The following CACNA1C variants were observed in gnomAD, a reference collection of about 807,000 sequenced individuals.
The protein encoded by CACNA1C is voltage-dependent L-type calcium channel subunit alpha-1C.
CACNA1C carries 30 observed loss-of-function variants against 229.0 expected under a neutral mutation model. The ratio of observed to expected loss-of-function variants is 0.13; its 90% CI spans 0.10 to 0.18. The LOEUF is 0.18. CACNA1C is among the 10% of genes least tolerant of loss of function. CACNA1C has a pLI of 1.00. For synonymous variants in CACNA1C, 1,114 were observed against 1,132.5 expected, an observed-to-expected ratio of 0.98 and a Z score of 0.33; for missense variants, 1,658 against 2,845.0, an observed-to-expected ratio of 0.58 and a Z score of 9.49.
intron 3 of CACNA1C, among the ~76,000 whole-genome samples, chr12:2,406,671 C>T (rs777210182): frequency 5.9e-5 from 9 of 152,214 alleles, no homozygotes; most frequent in Non-Finnish European, 1.0e-4. Flanking sequence ...TGCATTTCCA[C>T]GGTTTCAAGC....
At chr12:2,254,760 C>T (rs557847859) in intron 3 of CACNA1C, among the ~76,000 whole-genome samples, 2 of 152,178 alleles carry the variant, frequency 1.3e-5, no homozygotes, top group South Asian at 2.1e-4. Flanking sequence ...GAATGGGGGA[C>T]GATATATGTT....
chr12:2,678,106 G>A lies in CACNA1C; in HGVS notation c.5091+239G>A, dbSNP rs548543509. On this transcript the variant is annotated intron_variant, in intron 41 of 46. Coordinates refer to ENST00000399655, the MANE Select transcript of CACNA1C (RefSeq NM_000719.7). The surrounding 1 kb of genome is among the most constrained non-coding windows in gnomAD (Gnocchi z 4.1). Reference sequence around the variant, plus strand: ...CAGTGTCACTGGCTCTCAGAGAAGCGGGAAGGAACCGCCTTCCTAAGGGAA... The same window carrying A: ...CAGTGTCACTGGCTCTCAGAGAAGCAGGAAGGAACCGCCTTCCTAAGGGAA... Among the ~76,000 whole-genome samples, 9 of 152,158 alleles carry A rather than the reference G, an allele frequency of 5.9e-5. No individual in the cohort carries two copies. The highest frequency in any genetic ancestry group is 1.0e-4 in the Non-Finnish European group (7 of 68,018).
rs1209181027 is a variant in CACNA1C at position 2,181,004 on chromosome 12, ACAT to A, written c.477+60575_477+60577del. 2.6e-5 allele frequency among the ~76,000 whole-genome samples: 4 copies of A among 152,136 alleles called. No homozygotes were observed. Among genetic ancestry groups the A allele is most frequent in the African/African-American group, 9.7e-5 (4 of 41,430 alleles). On this transcript the variant is annotated intron_variant, in intron 3 of 46. Transcript: ENST00000399655. This position sits in a 1 kb window ranked among gnomAD's most constrained non-coding sequence, Gnocchi z 4.0. Reference sequence around the variant, plus strand: ...TAAAACACCTGGATTTGTTTCATGAACATAACCCTCAAATCTGCACTCCCCTAT... The same window carrying A: ...TAAAACACCTGGATTTGTTTCATGAAAACCCTCAAATCTGCACTCCCCTAT...
At chr12:2,125,315 A>G (rs1420770157) in intron 3 of CACNA1C, among the ~76,000 whole-genome samples, 1 of 152,124 alleles carries the variant, frequency 6.6e-6, no homozygotes, top group East Asian at 1.9e-4. Flanking sequence ...AAGTACGAGA[A>G]GAGGATATTG....
intron 3 of CACNA1C, among the ~76,000 whole-genome samples, chr12:2,211,144 C>G (rs1020179415): frequency 3.3e-5 from 5 of 152,160 alleles, no homozygotes; most frequent in Non-Finnish European, 7.3e-5. Context: ...CATGAAGGTC[C>G]CTTCAGCGTC....
intron 3 of CACNA1C, among the ~76,000 whole-genome samples, chr12:2,338,170 G>C (rs575495230): frequency 6.6e-6 from 1 of 152,262 alleles, no homozygotes; most frequent in African/African-American, 2.4e-5. Flanking sequence ...CTGGCTACAT[G>C]GGGGGAGGAG....
At chr12:2,385,499 A>G (rs1322670396) in intron 3 of CACNA1C, among the ~76,000 whole-genome samples, 1 of 152,178 alleles carries the variant, frequency 6.6e-6, no homozygotes, top group Non-Finnish European at 1.5e-5. Context: ...AAGGGCAGCT[A>G]GGACCCGCTG....
At chr12:2,239,835 G>T (rs2069120699) in intron 3 of CACNA1C, among the ~76,000 whole-genome samples, 1 of 152,254 alleles carries the variant, frequency 6.6e-6, no homozygotes, top group Admixed American at 6.5e-5. Flanking sequence ...GGGCGGTGAA[G>T]GCTGAGGATG....
chr12:2,499,949 A>G (rs1456697848), intron 7 of CACNA1C, among the ~76,000 whole-genome samples: 1 of 152,090 alleles, frequency 6.6e-6, no homozygotes, highest in African/African-American at 2.4e-5. Context: ...TGTCCCCCCA[A>G]AGTAGGTGGA....
chr12:1,973,768 C>T (rs748404118), intron 1 of CACNA1C, among the ~76,000 whole-genome samples: 32 of 152,086 alleles, frequency 2.1e-4, no homozygotes, highest in Non-Finnish European at 4.7e-4. Flanking sequence ...TAGTTTACAA[C>T]AAATATAAAT....
chr12:2,511,534 C>A (rs1014237913), intron 8 of CACNA1C, among the ~76,000 whole-genome samples: 1 of 152,072 alleles, frequency 6.6e-6, no homozygotes, highest in African/African-American at 2.4e-5. Context: ...AGGAAGACAT[C>A]ATGGCTCCAA....
intron 34 of CACNA1C, among the ~76,000 whole-genome samples, chr12:2,661,981 G>C (rs561869826): frequency 6.6e-6 from 1 of 152,184 alleles, no homozygotes; most frequent in Non-Finnish European, 1.5e-5. Context: ...AGTGGCTCAC[G>C]CCTGTAATCC....
At position 2,654,171 on chromosome 12, in the gene CACNA1C, G is replaced by A. The variant is rs2095282420; in HGVS notation, c.4140+271G>A. Among the ~76,000 whole-genome samples the A allele has an allele frequency of 6.6e-6, 1 of 152,176 alleles. No individual in the cohort carries two copies. Among genetic ancestry groups the A allele is most frequent in the Non-Finnish European group, 1.5e-5 (1 of 68,032 alleles). On this transcript the variant is annotated intron_variant, in intron 33 of 46. Transcript: ENST00000399655. The surrounding 1 kb of genome is among the most constrained non-coding windows in gnomAD (Gnocchi z 4.4). ...CGAGGCCTGGGTTCTGCTCTTGGTAGAGGAAAGACACTCTCCAGTTATGCA... is the reference window on the plus strand; with the variant it reads ...CGAGGCCTGGGTTCTGCTCTTGGTAAAGGAAAGACACTCTCCAGTTATGCA...
intron 45 of CACNA1C, among the ~76,000 whole-genome samples, chr12:2,687,328 T>C (rs1431388449): frequency 1.3e-5 from 2 of 152,162 alleles, no homozygotes; most frequent in Non-Finnish European, 2.9e-5. Context: ...GAAACTCTCC[T>C]CTTCATCTCT....
intron 1 of CACNA1C, chr12:2,004,114 C>T: frequency 1.0e-6 from 1 of 969,218 alleles, no homozygotes; most frequent in African/African-American, 1.6e-5. Context: ...TTCCTTCCCC[C>T]AAACCCCCGA....
chr12:2,073,635 A>G (rs1044367821), intron 1 of CACNA1C, among the ~76,000 whole-genome samples: 2 of 152,206 alleles, frequency 1.3e-5, no homozygotes, highest in African/African-American at 4.8e-5. Flanking sequence ...TCAACTATTT[A>G]CATTTTTGTA....
intron 30 of CACNA1C, among the ~76,000 whole-genome samples, chr12:2,641,147 T>C (rs934534517): frequency 6.6e-6 from 1 of 152,216 alleles, no homozygotes; most frequent in African/African-American, 2.4e-5. Context: ...AGCAGATTTG[T>C]CCAAGGACAT....
chr12:2,300,815 A>G (rs1328752856), intron 3 of CACNA1C, among the ~76,000 whole-genome samples: 2 of 152,168 alleles, frequency 1.3e-5, no homozygotes, highest in South Asian at 2.1e-4. Context: ...ACAATGAGCC[A>G]TGGAGGTGGC....
chr12:1,984,561 T>C lies in CACNA1C; in HGVS notation c.139+13360T>C, dbSNP rs764181892. On this transcript the variant is annotated intron_variant, in intron 1 of 46. Coordinates refer to the CACNA1C transcript ENST00000682462. ...TCACATGTATCACATCCGTATACAC[T>C]GAACCTCCTTCCTGACAATGTTATA... Among the ~76,000 whole-genome samples the C allele has an allele frequency of 1.8e-4, 27 of 152,080 alleles. 1 individual carries two copies. The highest frequency in any genetic ancestry group is 3.2e-4 in the Non-Finnish European group (22 of 67,950).
Sources: allele counts gnomAD v4.1 joint callset (sites outside exome capture counted in the v4.1 genomes callset), GRCh38; gene constraint gnomAD v4.1.1; non-coding constraint Gnocchi (gnomAD v3.1); transcripts MANE v1.5; gene names NCBI Gene and HGNC (gene_info 2026-07-23, HGNC 2026-07-21).